The following CREB5 variants were observed in gnomAD, a reference collection of about 807,000 sequenced individuals.
CREB5 encodes the protein cAMP responsive element binding protein 5, also known as cyclic AMP-responsive element-binding protein 5.
CREB5 carries 19 observed loss-of-function variants against 57.1 expected under a neutral mutation model. The ratio of observed to expected loss-of-function variants is 0.33; its 90% CI spans 0.23 to 0.49. CREB5 has a LOEUF of 0.49. CREB5 is among the 20% of genes least tolerant of loss of function. The pLI is 0.99. For synonymous variants in CREB5, 238 were observed against 238.3 expected, an observed-to-expected ratio of 1.00 and a Z score of 0.01; for missense variants, 579 against 671.6, an observed-to-expected ratio of 0.86 and a Z score of 1.52.
At chr7:28,621,681 T>G (rs1797797237) in intron 5 of CREB5, among the ~76,000 whole-genome samples, 1 of 152,164 alleles carries the variant, frequency 6.6e-6, no homozygotes, top group Non-Finnish European at 1.5e-5. Flanking sequence ...CTCACTCCCC[T>G]GAGTAGCAGA....
intron 1 of CREB5, among the ~76,000 whole-genome samples, chr7:28,322,190 T>A (rs1296585305): frequency 6.6e-6 from 1 of 152,154 alleles, no homozygotes; most frequent in Non-Finnish European, 1.5e-5. Flanking sequence ...AAAAGGGTTC[T>A]GTGAGGAACA....
At chr7:28,352,492 T>C (rs1462928400) in intron 1 of CREB5, among the ~76,000 whole-genome samples, 2 of 152,206 alleles carry the variant, frequency 1.3e-5, no homozygotes, top group Non-Finnish European at 2.9e-5. Context: ...GTTTAAAGAT[T>C]GGGCAGCTCC....
chr7:28,797,564 G>A (rs960548367), intron 7 of CREB5, among the ~76,000 whole-genome samples: 9 of 152,104 alleles, frequency 5.9e-5, no homozygotes, highest in Non-Finnish European at 8.8e-5. Context: ...CTTAAATTGC[G>A]GAACCATCAA....
intron 5 of CREB5, among the ~76,000 whole-genome samples, chr7:28,580,081 C>A (rs1796060230): frequency 6.6e-6 from 1 of 152,146 alleles, no homozygotes; most frequent in African/African-American, 2.4e-5. Flanking sequence ...AATCTGCAAA[C>A]TCAGTGAAAC....
Position 28,822,851 on chromosome 7 carries a change from A to T in CREB5, c.*3572A>T, listed in dbSNP as rs377751488. On this transcript the variant is annotated 3_prime_UTR_variant, in exon 11 of 11. Coordinates refer to ENST00000357727, the MANE Select transcript of CREB5 (RefSeq NM_182898.4). ...GTTAAGTCGGATGTTTTCCCGTTAC[A>T]CTACTACTCAGCCCTCTCCTGCGGC... 6.6e-6 allele frequency: 1 copy of T among 152,542 alleles called. No homozygotes were observed. Among genetic ancestry groups the T allele is most frequent in the African/African-American group, 2.4e-5 (1 of 41,458 alleles). The allele number at this position is 152,542 out of a possible 1,614,324, so 9.4% of individuals were successfully genotyped here. A position where few individuals can be genotyped will look rare whatever the true frequency, so the allele number is the denominator to read the frequency against.
intron 4 of CREB5, among the ~76,000 whole-genome samples, chr7:28,524,200 G>C (rs1272547714): frequency 2.0e-5 from 3 of 152,086 alleles, no homozygotes; most frequent in Non-Finnish European, 4.4e-5. Flanking sequence ...TTGCTGGCTG[G>C]GTGCAGTGGC....
At chr7:28,659,144 T>C (rs1474453025) in intron 5 of CREB5, among the ~76,000 whole-genome samples, 2 of 151,778 alleles carry the variant, frequency 1.3e-5, no homozygotes, top group African/African-American at 4.8e-5. Context: ...ACCTACTTAA[T>C]AAACATACTA....
intron 7 of CREB5, among the ~76,000 whole-genome samples, chr7:28,732,930 AT>A (rs1340890634): frequency 6.6e-6 from 1 of 150,876 alleles, no homozygotes; most frequent in Non-Finnish European, 1.5e-5. Flanking sequence ...TCCTTTTAAA[AT>A]TGTCTTTTTA....
intron 5 of CREB5, among the ~76,000 whole-genome samples, chr7:28,678,351 A>G (rs1361461104): frequency 1.3e-5 from 2 of 151,868 alleles, no homozygotes; most frequent in African/African-American, 4.8e-5. Context: ...CGGCACCACT[A>G]CACTCCAGCC....
intron 1 of CREB5, among the ~76,000 whole-genome samples, chr7:28,449,341 T>G (rs117095169): frequency 2.1e-3 from 324 of 152,366 alleles, no homozygotes; most frequent in Non-Finnish European, 3.8e-3. Flanking sequence ...TCAGCTCAGT[T>G]GTCCTGTGCC....
chr7:28,619,076 C>A (rs1220746928), intron 5 of CREB5, among the ~76,000 whole-genome samples: 1 of 152,196 alleles, frequency 6.6e-6, no homozygotes, highest in Non-Finnish European at 1.5e-5. Context: ...GGGCACATGG[C>A]CAAGTCCTGT....
chr7:28,602,853 A>C (rs73079885), intron 5 of CREB5, among the ~76,000 whole-genome samples: 9,471 of 152,230 alleles, frequency 0.062, 441 homozygotes, highest in Non-Finnish European at 0.097. Flanking sequence ...ACACTCACAA[A>C]ACTGCATGTA....
intron 4 of CREB5, among the ~76,000 whole-genome samples, chr7:28,560,955 T>TGTGTGCGTGC (rs1795212354): frequency 4.5e-5 from 1 of 22,146 alleles, no homozygotes. Flanking sequence ...TGTGTGCGTG[T>TGTGTGCGTGC]GTGTGCGTGT....
intron 1 of CREB5, among the ~76,000 whole-genome samples, chr7:28,377,919 G>C: frequency 1.0e-5 from 1 of 96,116 alleles, no homozygotes; most frequent in African/African-American, 4.2e-5. Flanking sequence ...GAGACAGAGC[G>C]AGACTCTATC....
chr7:28,651,314 C>A (rs1799120065), intron 5 of CREB5, among the ~76,000 whole-genome samples: 2 of 152,094 alleles, frequency 1.3e-5, no homozygotes, highest in Admixed American at 1.3e-4. Context: ...TAAATGCATT[C>A]TTGAGGAAAG....
In CREB5 at chr7:28,510,330, A is replaced by G. The variant is rs370787505; in HGVS notation, c.291+2593A>G. ...TACATTCTGACAATTATTTCTTTTTAATTCTACATCTCTAGTTGTCTTCTG... is the reference window on the plus strand; with the variant it reads ...TACATTCTGACAATTATTTCTTTTTGATTCTACATCTCTAGTTGTCTTCTG... On this transcript the variant is annotated intron_variant, in intron 4 of 10. Coordinates refer to ENST00000357727, the MANE Select transcript of CREB5 (RefSeq NM_182898.4). Among the ~76,000 whole-genome samples the G allele has an allele frequency of 7.9e-5, 12 of 152,152 alleles. 1 individual carries two copies. In the South Asian group the frequency reaches 2.5e-3, roughly 32 times the overall value.
At chr7:28,515,441 G>T (rs909931321) in intron 4 of CREB5, among the ~76,000 whole-genome samples, 9 of 152,054 alleles carry the variant, frequency 5.9e-5, no homozygotes, top group Admixed American at 2.6e-4. Context: ...CGTACATCTA[G>T]CCCTTGCATT....
intron 4 of CREB5, among the ~76,000 whole-genome samples, chr7:28,559,304 G>C (rs1285344964): frequency 6.6e-6 from 1 of 152,072 alleles, no homozygotes; most frequent in African/African-American, 2.4e-5. Context: ...TCAGCATATA[G>C]GTTTTTTGTT....
chr7:28,665,632 G>C (rs1799794562), intron 5 of CREB5, among the ~76,000 whole-genome samples: 1 of 152,152 alleles, frequency 6.6e-6, no homozygotes, highest in African/African-American at 2.4e-5. Context: ...CTTTTGGTAA[G>C]AAAGAGGAAT....
Sources: gnomAD v4.1 joint callset for allele counts (sites outside exome capture counted in the v4.1 genomes callset) on GRCh38, gnomAD v4.1.1 for gene constraint, MANE v1.5 for transcripts, NCBI Gene and HGNC (gene_info 2026-07-23, HGNC 2026-07-21) for gene names.